Variants in DROSHA observed in about 807,000 individuals in gnomAD.
The protein encoded by DROSHA is drosha ribonuclease III.
In DROSHA, 56 loss-of-function variants were observed where a neutral mutation model predicts 181.9. The observed-to-expected ratio is 0.31, with a 90% CI of 0.25 to 0.38. The LOEUF is 0.38. Ranked by LOEUF, DROSHA falls within the 10% of genes least tolerant of loss-of-function variation. The pLI is 1.00. For synonymous variants in DROSHA, 524 were observed against 591.2 expected, an observed-to-expected ratio of 0.89 and a Z score of 1.65; for missense variants, 1,218 against 1,743.5, an observed-to-expected ratio of 0.70 and a Z score of 5.37.
At chr5:31,435,334 CT>C (rs1433337365) in intron 25 of DROSHA, among the ~76,000 whole-genome samples, 2 of 152,250 alleles carry the variant, frequency 1.3e-5, no homozygotes, top group South Asian at 4.1e-4. Context: ...GAAAGTACCC[CT>C]AGTGGATAAA....
At chr5:31,449,005 C>T (rs1004235572) in intron 22 of DROSHA, among the ~76,000 whole-genome samples, 1 of 152,080 alleles carries the variant, frequency 6.6e-6, no homozygotes, top group East Asian at 1.9e-4. Context: ...TATGGTGGCA[C>T]ATGCCTGTAA....
Position 31,486,510 on chromosome 5 carries a change from A to G in DROSHA, c.1895T>C (p.Ile632Thr). Residue 632 changes from isoleucine to threonine, a missense_variant, in exon 14 of 36, where the codon ATT (isoleucine) becomes ACT (threonine). Around this residue, in one of 8 missense-constraint regions of DROSHA, gnomAD observed 460 missense variants for 774.2 expected, o/e 0.59. Transcript: ENST00000344624. ...RFNIDYTIHF[I>T]EEMMPENFCV... Reference sequence around the variant, plus strand: ...CCTTACCTCCGGCATCATCTCTTCAATGAAATGAATCGTGTAGTCTATGTT... The same window carrying G: ...CCTTACCTCCGGCATCATCTCTTCAGTGAAATGAATCGTGTAGTCTATGTT... 6.2e-7 allele frequency: 1 copy of G among 1,613,834 alleles called. No homozygotes were observed.
At chr5:31,531,260 CAA>C (rs1160936471) in intron 2 of DROSHA, among the ~76,000 whole-genome samples, 188 bp downstream of exon 2, 1 of 152,114 alleles carries the variant, frequency 6.6e-6, no homozygotes, top group Admixed American at 6.5e-5. Context: ...TAGAGGTGGG[CAA>C]AAGTCAGGGT....
At chr5:31,457,061 A>G (rs1747750218) in intron 20 of DROSHA, among the ~76,000 whole-genome samples, 1 of 152,024 alleles carries the variant, frequency 6.6e-6, no homozygotes, top group Non-Finnish European at 1.5e-5. Context: ...CATTCATACA[A>G]GAAAGAGGAA....
intron 21 of DROSHA, 47 bp from the exon 22 acceptor site, chr5:31,449,466 G>C: frequency 6.5e-7 from 1 of 1,533,360 alleles, no homozygotes; most frequent in Non-Finnish European, 8.8e-7. Context: ...AGCATAAACT[G>C]GGTGCAGTGG....
At chr5:31,410,413 T>C (rs1457071089) in intron 31 of DROSHA, among the ~76,000 whole-genome samples, 1 of 152,228 alleles carries the variant, frequency 6.6e-6, no homozygotes, top group Non-Finnish European at 1.5e-5. Flanking sequence ...ATATGAAGGC[T>C]GCTGGGTGGC....
At chr5:31,406,831 T>C in intron 34 of DROSHA, 22 bp downstream of exon 34, 4 of 1,600,902 alleles carry the variant, frequency 2.5e-6, no homozygotes, top group Non-Finnish European at 3.4e-6. Flanking sequence ...TCAAAGCAAT[T>C]CCAGGTATTC....
At chr5:31,474,539 T>C (rs903182505) in intron 16 of DROSHA, among the ~76,000 whole-genome samples, 7 of 152,040 alleles carry the variant, frequency 4.6e-5, no homozygotes, top group Admixed American at 1.3e-4. Context: ...CTTTTTTAAT[T>C]TTTTTGTAGA....
chr5:31,442,297 CTTTAG>C (rs1427688454), intron 23 of DROSHA, among the ~76,000 whole-genome samples: 2 of 152,148 alleles, frequency 1.3e-5, no homozygotes, highest in Non-Finnish European at 2.9e-5. Context: ...TTAAATACCA[CTTTAG>C]TTTATTATTA....
intron 18 of DROSHA, 135 bp downstream of exon 18, chr5:31,467,804 A>C: frequency 1.7e-6 from 2 of 1,163,244 alleles, no homozygotes; most frequent in Non-Finnish European, 2.3e-6. Context: ...CATTTGGGTA[A>C]TCTAAATTGG....
At position 31,409,623 on chromosome 5, in the gene DROSHA, T is replaced by C; in HGVS notation, c.3668-291A>G. 2.9e-6 allele frequency: 1 copy of C among 346,578 alleles called. No homozygotes were observed. The highest frequency in any genetic ancestry group is 5.4e-6 in the Non-Finnish European group (1 of 186,552). 21.5% of individuals were successfully genotyped at this position (346,578 alleles called of 1,614,324 possible). ...ATGCCGCTGTATATCAGGGAAAAAA[T>C]GCTGAGCACCCAACCCTGTTCACAT... On this transcript the variant is annotated intron_variant, in intron 31 of 35. Transcript: ENST00000344624. The surrounding 1 kb of genome is among the most constrained non-coding windows in gnomAD (Gnocchi z 4.0).
chr5:31,423,106 C>T, intron 28 of DROSHA, 162 bp from the exon 29 acceptor site: 6 of 624,700 alleles, frequency 9.6e-6, no homozygotes, highest in Middle Eastern at 4.5e-4. Context: ...CTTTGAATGG[C>T]AAACAAATCT....
In DROSHA at chr5:31,484,924, G is replaced by A; in HGVS notation, c.1953C>T (p.Phe651=). The change falls in exon 15 of 36, where the codon TTC becomes TTT. Residue 651 remains phenylalanine, a synonymous_variant. Coordinates refer to ENST00000344624, the MANE Select transcript of DROSHA (RefSeq NM_001382508.1). ...CVKGLELFSL[F]LFRDILELYD... ...ATAATTCCAAAATATCTCTGAATAG[G>A]AACAGTGAAAAGAGTTCAAGCCCTT... 1 of 1,546,302 alleles carries A rather than the reference G, an allele frequency of 6.5e-7. No homozygotes were observed. Among genetic ancestry groups the A allele is most frequent in the South Asian group, 1.2e-5 (1 of 82,302 alleles).
rs68049196 is a variant in DROSHA, at chr5:31,514,228, AACACACACACACAC to A, written c.1290+746_1290+759del. On this transcript the variant is annotated intron_variant, in intron 8 of 35. Coordinates refer to ENST00000344624, the MANE Select transcript of DROSHA (RefSeq NM_001382508.1). This position sits in a 1 kb window ranked among gnomAD's most constrained non-coding sequence, Gnocchi z 4.4. ...CTTCCTTATTTTTCATTTTGGAGAAAACACACACACACACACACACACACACACACACATACACA... is the reference window on the plus strand; with the variant it reads ...CTTCCTTATTTTTCATTTTGGAGAAAACACACACACACACACACATACACA... Among the ~76,000 whole-genome samples, 6 of 148,414 alleles carry A rather than the reference AACACACACACACAC, an allele frequency of 4.0e-5. No individual in the cohort carries two copies. Among genetic ancestry groups the A allele is most frequent in the East Asian group, 2.0e-4 (1 of 5,050 alleles).
intron 16 of DROSHA, among the ~76,000 whole-genome samples, chr5:31,481,677 A>G (rs997791740): frequency 6.6e-6 from 1 of 152,240 alleles, no homozygotes; most frequent in Non-Finnish European, 1.5e-5. Flanking sequence ...TAAAAATCTG[A>G]GTAATGCTAA....
At position 31,411,689 on chromosome 5, in the gene DROSHA, C is replaced by T. The variant is rs1741329490; in HGVS notation, c.3526-802G>A. On this transcript the variant is annotated intron_variant, in intron 30 of 35. Transcript: ENST00000344624. The surrounding 1 kb of genome is among the most constrained non-coding windows in gnomAD (Gnocchi z 4.2). ...GCCTAGGCTGGAGTGCAGTGGTGCA[C>T]CATCTTGGCTCACTGCAACCTCCAC... Among the ~76,000 whole-genome samples, 1 of 151,894 alleles carries T rather than the reference C, an allele frequency of 6.6e-6. No homozygotes were observed. Among genetic ancestry groups the T allele is most frequent in the Admixed American group, 6.6e-5 (1 of 15,254 alleles).
intron 23 of DROSHA, among the ~76,000 whole-genome samples, chr5:31,440,272 T>C (rs1276853210): frequency 6.6e-6 from 1 of 152,196 alleles, no homozygotes; most frequent in African/African-American, 2.4e-5. Flanking sequence ...ACTTCAACAC[T>C]TATCACTTCG....
At chr5:31,528,930 A>G in intron 4 of DROSHA, 110 bp downstream of exon 4, 291 of 1,164,410 alleles carry the variant, frequency 2.5e-4, no homozygotes, top group Non-Finnish European at 3.4e-4. Flanking sequence ...TGAGCACATT[A>G]TCCCCTCTCC....
intron 30 of DROSHA, among the ~76,000 whole-genome samples, chr5:31,412,847 T>A (rs1488073833): frequency 6.6e-6 from 1 of 152,188 alleles, no homozygotes; most frequent in Non-Finnish European, 1.5e-5. Flanking sequence ...AAGTGATATA[T>A]CTTTTTTGGT....
Sources: gnomAD v4.1 joint callset for allele counts (sites outside exome capture counted in the v4.1 genomes callset) on GRCh38, gnomAD v4.1.1 for gene constraint, gnomAD v4.1.1 regional missense constraint, Gnocchi (gnomAD v3.1) non-coding constraint, MANE v1.5 for transcripts, NCBI Gene and HGNC (gene_info 2026-07-23, HGNC 2026-07-21) for gene names.